EIF2B3: variants seen among roughly 807,000 people sequenced by gnomAD.
EIF2B3 encodes eukaryotic translation initiation factor 2B subunit gamma, also known as translation initiation factor eIF2B subunit gamma.
EIF2B3 carries 20 observed loss-of-function variants against 54.1 expected under a neutral mutation model. The observed-to-expected ratio is 0.37, with a 90% CI of 0.26 to 0.54. The LOEUF is 0.54. Among genes scored for constraint, EIF2B3 ranks in the 20% least tolerant of loss-of-function variants. EIF2B3 has a pLI of 0.86. For missense variants in EIF2B3, 448 were observed against 547.8 expected (o/e 0.82, Z 1.82); for synonymous variants, 153 against 188.1 (o/e 0.81, Z 1.52).
At chr1:44,878,158 T>G (rs1331084283) in intron 8 of EIF2B3, among the ~76,000 whole-genome samples, 1 of 152,212 alleles carries the variant, frequency 6.6e-6, no homozygotes, top group Non-Finnish European at 1.5e-5. Flanking sequence ...GGCTTGGGAC[T>G]CCCTTGGATC....
intron 2 of EIF2B3, among the ~76,000 whole-genome samples, chr1:44,979,111 A>G (rs1644486458): frequency 6.6e-6 from 1 of 150,730 alleles, no homozygotes; most frequent in Admixed American, 6.6e-5. Context: ...ACATGGCAAA[A>G]CCTTGTCTCT....
chr1:44,883,744 C>A (rs1309137659), intron 6 of EIF2B3, among the ~76,000 whole-genome samples: 1 of 152,158 alleles, frequency 6.6e-6, no homozygotes, highest in Non-Finnish European at 1.5e-5. Context: ...TTGCAATTCT[C>A]CCATCTTGAT....
intron 3 of EIF2B3, among the ~76,000 whole-genome samples, chr1:44,958,187 G>A (rs1477616376): frequency 6.6e-6 from 1 of 152,134 alleles, no homozygotes. Context: ...TCCAGAACTG[G>A]CCTATCTACA....
intron 3 of EIF2B3, among the ~76,000 whole-genome samples, chr1:44,976,799 T>C (rs769572271): frequency 2.0e-5 from 3 of 152,118 alleles, no homozygotes; most frequent in Non-Finnish European, 4.4e-5. Flanking sequence ...CAGAACAAAA[T>C]TGTATGTTTC....
Position 44,873,471 on chromosome 1 carries a change from A to G in EIF2B3, c.1202+1207T>C, listed in dbSNP as rs187073385. ...ACCCCCATTTCCCTTTCCATCTTTC[A>G]TCCTTTCAATAGAGTTATAGCATAA... On this transcript the variant is annotated intron_variant, in intron 10 of 11. Coordinates refer to ENST00000360403, the MANE Select transcript of EIF2B3 (RefSeq NM_020365.5). Among the ~76,000 whole-genome samples the G allele has an allele frequency of 6.7e-3, 1,015 of 152,046 alleles. 13 individuals are homozygous for G. The highest frequency in any genetic ancestry group is 0.023 in the African/African-American group (965 of 41,466).
chr1:44,860,872 G>A (rs927297410), intron 10 of EIF2B3, among the ~76,000 whole-genome samples: 1 of 152,144 alleles, frequency 6.6e-6, no homozygotes, highest in Non-Finnish European at 1.5e-5. Context: ...AGAGGCATGA[G>A]GGGGTGGGAA....
At chr1:44,964,657 C>A (rs1296457776) in intron 3 of EIF2B3, among the ~76,000 whole-genome samples, 1 of 152,216 alleles carries the variant, frequency 6.6e-6, no homozygotes, top group African/African-American at 2.4e-5. Flanking sequence ...ACTTAAGGAA[C>A]TATACCTCTA....
At chr1:44,957,712 G>A (rs988762583) in intron 3 of EIF2B3, among the ~76,000 whole-genome samples, 20 of 152,046 alleles carry the variant, frequency 1.3e-4, no homozygotes, top group Admixed American at 1.2e-3. Context: ...AGTGAGCTGA[G>A]ATTGCGCCAT....
At chr1:44,898,248 C>T (rs377050819) in intron 5 of EIF2B3, among the ~76,000 whole-genome samples, 1 of 152,122 alleles carries the variant, frequency 6.6e-6, no homozygotes, top group East Asian at 1.9e-4. Flanking sequence ...GGATACACTT[C>T]CTCTAGGAAT....
intron 6 of EIF2B3, among the ~76,000 whole-genome samples, chr1:44,894,164 C>T (rs1434343144): frequency 6.6e-6 from 1 of 152,198 alleles, no homozygotes; most frequent in Non-Finnish European, 1.5e-5. Context: ...AGAGGAATCA[C>T]AGTCACAATA....
At chr1:44,902,847 A>AAG (rs1215337658) in intron 5 of EIF2B3, among the ~76,000 whole-genome samples, 1 of 143,632 alleles carries the variant, frequency 7.0e-6, no homozygotes, top group East Asian at 1.9e-4. Flanking sequence ...AAAAAAAAAA[A>AAG]AAAAAAAAAG....
chr1:44,924,551 C>T (rs1477917719), intron 5 of EIF2B3, among the ~76,000 whole-genome samples: 4 of 151,850 alleles, frequency 2.6e-5, no homozygotes, highest in African/African-American at 9.7e-5. Flanking sequence ...CCACGCCTGG[C>T]TAATTTTTGT....
chr1:44,906,142 C>T (rs1643406525), intron 5 of EIF2B3, among the ~76,000 whole-genome samples: 1 of 152,236 alleles, frequency 6.6e-6, no homozygotes. Flanking sequence ...TTGCACTCCA[C>T]TCTAGTCTCA....
At chr1:44,916,810 CAA>C (rs58666630) in intron 5 of EIF2B3, among the ~76,000 whole-genome samples, 14 of 111,248 alleles carry the variant, frequency 1.3e-4, no homozygotes, top group Admixed American at 2.9e-4. Context: ...GATTCTGTCG[CAA>C]AAAAAAAAAA....
intron 4 of EIF2B3, chr1:44,932,410 TAGGAATACCATGTG>T (rs1168231373): frequency 6.6e-6 from 1 of 152,136 alleles, no homozygotes; most frequent in East Asian, 1.9e-4. Flanking sequence ...GAAGTCTGCT[TAGGAATACCATGTG>T]ATAAACAAAC....
At chr1:44,859,619 T>C (rs969172269) in intron 10 of EIF2B3, among the ~76,000 whole-genome samples, 10 of 148,558 alleles carry the variant, frequency 6.7e-5, no homozygotes, top group African/African-American at 2.5e-4. Context: ...GATTGCACCA[T>C]TGCACTCTAG....
chr1:44,942,195 T>C (rs1394161287), intron 3 of EIF2B3, among the ~76,000 whole-genome samples: 1 of 150,964 alleles, frequency 6.6e-6, no homozygotes, highest in Non-Finnish European at 1.5e-5. Context: ...CTTATAAAAA[T>C]AGCATAAGAA....
chr1:44,866,889 T>G (rs189786366), intron 10 of EIF2B3, among the ~76,000 whole-genome samples: 1 of 151,950 alleles, frequency 6.6e-6, no homozygotes, highest in African/African-American at 2.4e-5. Context: ...CATGGAAGAG[T>G]TGGAATATGC....
At chr1:44,959,837 C>A in intron 3 of EIF2B3, among the ~76,000 whole-genome samples, 1 of 152,178 alleles carries the variant, frequency 6.6e-6, no homozygotes, top group East Asian at 1.9e-4. Flanking sequence ...GTATTTGTTT[C>A]AACTCTGGGC....
Sources: gnomAD v4.1 joint callset for allele counts (sites outside exome capture counted in the v4.1 genomes callset) on GRCh38, gnomAD v4.1.1 for gene constraint, MANE v1.5 for transcripts, NCBI Gene and HGNC (gene_info 2026-07-23, HGNC 2026-07-21) for gene names.